NIPSNAP3B: variants seen among roughly 807,000 people sequenced by gnomAD.
NIPSNAP3B encodes the protein nipsnap homolog 3B.
In NIPSNAP3B, 30 loss-of-function variants were observed where a neutral mutation model predicts 31.5. The observed-to-expected ratio is 0.95, with a 90% CI of 0.71 to 1.29. The LOEUF is 1.29. Ranked by LOEUF, NIPSNAP3B falls within the 50% of genes most tolerant of loss-of-function variation. The pLI is 0.00. For synonymous variants in NIPSNAP3B, 106 were observed against 107.9 expected (o/e 0.98, Z 0.11); for missense variants, 269 against 300.7 (o/e 0.89, Z 0.78).
At chr9:104,769,561 A>G (rs1828166688) in intron 3 of NIPSNAP3B, among the ~76,000 whole-genome samples, 2 of 152,072 alleles carry the variant, frequency 1.3e-5, no homozygotes, top group Non-Finnish European at 2.9e-5. Context: ...AAAATGAAGT[A>G]TTTTTCCATA....
In NIPSNAP3B at chr9:104,764,160, G is replaced by C. The variant is rs560644137; in HGVS notation, c.-81G>C. ...TGAGTTCGCCAGTGGTCCAGGAGCC[G>C]CTTTTTTCCACTCGGGAAGACTTCA... On this transcript the variant is annotated 5_prime_UTR_variant, in exon 1 of 6. Coordinates refer to ENST00000374762, the MANE Select transcript of NIPSNAP3B (RefSeq NM_018376.4). The C allele has an allele frequency of 7.2e-7, 1 of 1,392,420 alleles. No individual in the cohort carries two copies. The allele number at this position is 1,392,420 out of a possible 1,614,324, so 86.3% of individuals were successfully genotyped here. A position where few individuals can be genotyped will look rare whatever the true frequency, so the allele number is the denominator to read the frequency against.
chr9:104,788,970 T>C, the NIPSNAP3B span, among the ~76,000 whole-genome samples: 2 of 152,184 alleles, frequency 1.3e-5, no homozygotes, highest in African/African-American at 2.4e-5. Flanking sequence ...CCCAGAAATT[T>C]TGAGTGTGAG....
At chr9:104,788,671 A>C in the NIPSNAP3B span, 1 of 1,347,800 alleles carries the variant, frequency 7.4e-7, no homozygotes, top group African/African-American at 1.4e-5. Context: ...CATTACAAAG[A>C]TACCAATACA....
rs534867284 is a variant in NIPSNAP3B, at chr9:104,775,564, A to G, written c.*2491A>G. On this transcript the variant is annotated 3_prime_UTR_variant, in exon 6 of 6. Transcript: ENST00000374762. ...ATCACCCCCAGTCTTGTGGCTTCAAATGCTATCTGTGTGTGGATAGCTCCT... is the reference window on the plus strand; with the variant it reads ...ATCACCCCCAGTCTTGTGGCTTCAAGTGCTATCTGTGTGTGGATAGCTCCT... Among the ~76,000 whole-genome samples, 5 of 152,212 alleles carry G rather than the reference A, an allele frequency of 3.3e-5. No individual in the cohort carries two copies. The highest frequency in any genetic ancestry group is 9.6e-5 in the African/African-American group (4 of 41,534).
chr9:104,788,434 C>T, the NIPSNAP3B span: 1 of 1,614,112 alleles, frequency 6.2e-7, no homozygotes, highest in Non-Finnish European at 8.5e-7. Context: ...ACCTTGCCAA[C>T]TTCTTTCTCT....
chr9:104,786,483 G>T, the NIPSNAP3B span: 2 of 1,122,170 alleles, frequency 1.8e-6, no homozygotes, highest in Non-Finnish European at 2.7e-6. Context: ...GCTTCCTAGG[G>T]AATTGTATTC....
chr9:104,784,147 T>C, the NIPSNAP3B span: 1 of 815,490 alleles, frequency 1.2e-6, no homozygotes. Context: ...TGTAATGGAA[T>C]TTTGTTTTCA....
At chr9:104,784,065 A>G in the NIPSNAP3B span, 2 of 485,208 alleles carry the variant, frequency 4.1e-6, no homozygotes, top group Admixed American at 3.4e-5. Flanking sequence ...TCACATAGGT[A>G]TAGGTAAAAA....
the NIPSNAP3B span, chr9:104,787,017 A>G: frequency 3.2e-6 from 5 of 1,553,274 alleles, 1 homozygote; most frequent in South Asian, 2.3e-5. Flanking sequence ...CTGGGGGGAA[A>G]AAAAATCAAA....
chr9:104,779,447 C>T (rs1828407999), downstream of NIPSNAP3B, among the ~76,000 whole-genome samples: 1 of 137,624 alleles, frequency 7.3e-6, no homozygotes, highest in Non-Finnish European at 1.6e-5. Flanking sequence ...CTAACTTCAA[C>T]AAAAAGAACC....
At chr9:104,790,500 C>G in the NIPSNAP3B span, among the ~76,000 whole-genome samples, 1 of 152,124 alleles carries the variant, frequency 6.6e-6, no homozygotes, top group East Asian at 1.9e-4. Flanking sequence ...ACAATAAAAA[C>G]TAATTTTAAA....
At chr9:104,785,684 T>A in the NIPSNAP3B span, 13 of 1,611,094 alleles carry the variant, frequency 8.1e-6, no homozygotes, top group Admixed American at 1.7e-4. Flanking sequence ...TCCAGAAAAC[T>A]ATTTAAAAGA....
Position 104,766,344 on chromosome 9 carries a change from C to T in NIPSNAP3B, c.80C>T (p.Thr27Met), listed in dbSNP as rs768202178. Residue 27 changes from threonine (T) to methionine (M), a missense_variant, in exon 2 of 6, where the codon ACG (threonine) becomes ATG (methionine). Physicochemically the swap from Thr to Met is moderately conservative, Grantham distance 81. Coordinates refer to ENST00000374762, the MANE Select transcript of NIPSNAP3B (RefSeq NM_018376.4). ...LAPQVCSSFATGPRQYDGTFY... is the reference protein window; with the variant it reads ...LAPQVCSSFAMGPRQYDGTFY... ...CTTCAGGTGTGTTCATCTTTTGCTA[C>T]GGGCCCTAGACAATACGATGGAACG... The T allele has an allele frequency of 9.3e-6, 15 of 1,613,140 alleles. No homozygotes were observed. The highest frequency in any genetic ancestry group is 5.5e-5 in the South Asian group (5 of 91,056).
downstream of NIPSNAP3B, among the ~76,000 whole-genome samples, chr9:104,779,888 G>C (rs531551156): frequency 6.8e-4 from 103 of 152,202 alleles, no homozygotes; most frequent in African/African-American, 2.4e-3. Context: ...AAAATTAGCT[G>C]GTTGTGGTGG....
At chr9:104,787,991 A>G in the NIPSNAP3B span, 2 of 1,614,070 alleles carry the variant, frequency 1.2e-6, no homozygotes, top group Non-Finnish European at 1.7e-6. Flanking sequence ...CCTCCACTAT[A>G]GTTACCAGCA....
At chr9:104,770,768 C>T in intron 3 of NIPSNAP3B, 81 bp from the exon 4 acceptor site, 1 of 1,225,236 alleles carries the variant, frequency 8.2e-7, no homozygotes, top group Admixed American at 1.8e-5. Flanking sequence ...CATTGGTTAG[C>T]CTTCTAATGA....
rs993338048 is a variant in NIPSNAP3B, at chr9:104,776,558, C to G, written c.*3485C>G. On this transcript the variant is annotated 3_prime_UTR_variant, in exon 6 of 6. Transcript: ENST00000374762. ...ACCAGAATGTAAGCCTTCACCAGAA[C>G]TTCTTCATGCTGGCACCCTGGTCTT... is the stretch of plus-strand genomic sequence containing the variant. Among the ~76,000 whole-genome samples, 3 of 152,264 alleles carry G rather than the reference C, an allele frequency of 2.0e-5. No homozygotes were observed. The highest frequency in any genetic ancestry group is 6.5e-5 in the Admixed American group (1 of 15,304).
chr9:104,766,627 A>G (rs1588166303), intron 2 of NIPSNAP3B, 92 bp downstream of exon 2: 1 of 1,242,628 alleles, frequency 8.0e-7, no homozygotes, highest in Non-Finnish European at 1.2e-6. Context: ...ATTACCATAG[A>G]TACATACAGG....
Position 104,764,177 on chromosome 9 carries a change from A to G in NIPSNAP3B, c.-64A>G. 6.9e-7 allele frequency: 1 copy of G among 1,452,830 alleles called. No individual in the cohort carries two copies. Among genetic ancestry groups the G allele is most frequent in the Non-Finnish European group, 9.4e-7 (1 of 1,060,624 alleles). The allele number at this position is 1,452,830 out of a possible 1,614,324, so 90.0% of individuals were successfully genotyped here. A position where few individuals can be genotyped will look rare whatever the true frequency, so the allele number is the denominator to read the frequency against. On this transcript the variant is annotated 5_prime_UTR_variant, in exon 1 of 6. Coordinates refer to ENST00000374762, the MANE Select transcript of NIPSNAP3B (RefSeq NM_018376.4). ...CAGGAGCCGCTTTTTTCCACTCGGGAAGACTTCAGAGAAGTCTCACAAAGG... is the reference window on the plus strand; with the variant it reads ...CAGGAGCCGCTTTTTTCCACTCGGGGAGACTTCAGAGAAGTCTCACAAAGG...
Sources: gnomAD v4.1 joint callset for allele counts (sites outside exome capture counted in the v4.1 genomes callset) on GRCh38, gnomAD v4.1.1 for gene constraint, MANE v1.5 for transcripts, NCBI Gene and HGNC (gene_info 2026-07-23, HGNC 2026-07-21) for gene names.